The following EHD4 variants were observed in gnomAD, a reference collection of about 807,000 sequenced individuals.
The protein encoded by EHD4 is EH domain-containing protein 4.
Under a neutral mutation model 51.0 loss-of-function variants are expected in EHD4, and 37 were observed. The ratio of observed to expected loss-of-function variants is 0.73; its 90% CI spans 0.56 to 0.95. EHD4 has a LOEUF of 0.95. Ranked by LOEUF, EHD4 falls within the 40% of genes least tolerant of loss-of-function variation. The probability of loss-of-function intolerance (pLI) is 0.00; values close to 1 mark genes in which losing one functional copy is unlikely to be tolerated. For synonymous variants in EHD4, 297 were observed against 317.3 expected, an observed-to-expected ratio of 0.94 and a Z score of 0.68; for missense variants, 632 against 733.1, an observed-to-expected ratio of 0.86 and a Z score of 1.59.
intron 1 of EHD4, among the ~76,000 whole-genome samples, chr15:41,956,099 T>A (rs1403170763): frequency 6.6e-6 from 1 of 151,568 alleles, no homozygotes; most frequent in Non-Finnish European, 1.5e-5. Flanking sequence ...GGTGCGGGAG[T>A]GGGTTTGAAG....
chr15:41,919,716 C>G, intron 3 of EHD4, 94 bp from the exon 4 acceptor site: 1 of 1,254,468 alleles, frequency 8.0e-7, no homozygotes. Flanking sequence ...CAGCAGCTGC[C>G]AGGGAGAGAG....
chr15:41,963,024 G>A (rs1001665897), intron 1 of EHD4, among the ~76,000 whole-genome samples: 1 of 152,180 alleles, frequency 6.6e-6, no homozygotes, highest in African/African-American at 2.4e-5. Flanking sequence ...AACATGTGCT[G>A]TGTCCACTCA....
At chr15:41,971,560 T>G (rs926485292) in intron 1 of EHD4, among the ~76,000 whole-genome samples, 2 of 152,220 alleles carry the variant, frequency 1.3e-5, no homozygotes, top group African/African-American at 4.8e-5. Context: ...GACAAATATT[T>G]TCAGTTGTCA....
At position 41,918,044 on chromosome 15, in the gene EHD4, C is replaced by G. The variant is rs546282550; in HGVS notation, c.924+1166G>C. 3.3e-5 allele frequency among the ~76,000 whole-genome samples: 5 copies of G among 152,222 alleles called. No individual in the cohort carries two copies. The South Asian group carries it at 1.0e-3, about 32-fold the overall frequency. On this transcript the variant is annotated intron_variant, in intron 4 of 5. Transcript: ENST00000220325. Reference sequence around the variant, plus strand: ...AGGCTGCCCAGTGAGCACACTGGCACGAGGACAGGCTGCTAATGAGCAGCA... The same window carrying G: ...AGGCTGCCCAGTGAGCACACTGGCAGGAGGACAGGCTGCTAATGAGCAGCA...
chr15:41,915,367 C>T lies in EHD4; in HGVS notation c.924+3843G>A, dbSNP rs1177662925. Among the ~76,000 whole-genome samples the T allele has an allele frequency of 2.6e-5, 4 of 152,300 alleles. No individual in the cohort carries two copies. In the East Asian group the frequency reaches 5.8e-4, roughly 22 times the overall value. ...TGTTGGGATTACAGGTGTGAGCCAC[C>T]GTGCCCAGCCTATAGACAAGAAAGC... On this transcript the variant is annotated intron_variant, in intron 4 of 5. Coordinates refer to ENST00000220325, the MANE Select transcript of EHD4 (RefSeq NM_139265.4).
chr15:41,961,962 A>C (rs1008525395), intron 1 of EHD4, among the ~76,000 whole-genome samples: 1 of 152,230 alleles, frequency 6.6e-6, no homozygotes, highest in East Asian at 1.9e-4. Flanking sequence ...ATAAAACAAA[A>C]ATGTACAACT....
chr15:41,912,051 T>C (rs186473674), intron 4 of EHD4, among the ~76,000 whole-genome samples: 4 of 152,228 alleles, frequency 2.6e-5, no homozygotes, highest in Admixed American at 1.3e-4. Context: ...ACCCACTGAG[T>C]GTCACCTGAT....
rs757538412 is a variant in EHD4, at chr15:41,919,476, C to T, written c.658G>A (p.Val220Met). ...TCCACTTGGTCGGCCTTGTTCAGCACGACACGGATCTTGTCGTCCTGGCCC... is the reference window on the plus strand; with the variant it reads ...TCCACTTGGTCGGCCTTGTTCAGCATGACACGGATCTTGTCGTCCTGGCCC... ...FRGQDDKIRV[V>M]LNKADQVDTQ... Residue 220 changes from valine to methionine, a missense_variant, in exon 4 of 6, where the codon GTG becomes ATG. Physicochemically the swap from Val to Met is conservative, Grantham distance 21. Transcript: ENST00000220325. 19 of 1,560,912 alleles carry T rather than the reference C, an allele frequency of 1.2e-5. No homozygotes were observed. The highest frequency in any genetic ancestry group is 6.8e-5 in the African/African-American group (5 of 73,106).
intron 3 of EHD4, among the ~76,000 whole-genome samples, chr15:41,926,865 C>G (rs748783379): frequency 1.3e-5 from 2 of 152,224 alleles, no homozygotes; most frequent in Non-Finnish European, 2.9e-5. Context: ...ATGCCCTTTC[C>G]TCTTCTCCAA....
intron 4 of EHD4, among the ~76,000 whole-genome samples, chr15:41,915,266 C>T (rs575612091): frequency 3.5e-4 from 53 of 152,276 alleles, no homozygotes; most frequent in Non-Finnish European, 6.5e-4. Flanking sequence ...TTAGTAGAGA[C>T]GGGGTTTCAC....
chr15:41,914,948 GC>G (rs1461791765), intron 4 of EHD4, among the ~76,000 whole-genome samples: 4 of 151,962 alleles, frequency 2.6e-5, no homozygotes, highest in African/African-American at 9.7e-5. Flanking sequence ...TCCACGCCCA[GC>G]TAATTTTTGT....
chr15:41,912,658 G>A (rs2067558266), intron 4 of EHD4, among the ~76,000 whole-genome samples: 1 of 152,078 alleles, frequency 6.6e-6, no homozygotes, highest in Non-Finnish European at 1.5e-5. Context: ...TTGCCCCACT[G>A]CACTCCAGCC....
intron 3 of EHD4, among the ~76,000 whole-genome samples, chr15:41,927,270 T>C (rs1292062543): frequency 6.6e-6 from 1 of 152,262 alleles, no homozygotes; most frequent in African/African-American, 2.4e-5. Context: ...AAAATGGAAC[T>C]ATCATATCAT....
intron 2 of EHD4, among the ~76,000 whole-genome samples, chr15:41,952,998 C>CA (rs33930801): frequency 0.017 from 1,203 of 69,038 alleles, 20 homozygotes; most frequent in Non-Finnish European, 0.022. Context: ...TTCCCCCCCG[C>CA]AAAAAAAAAA....
chr15:41,904,192 C>T (rs1443715446), intron 5 of EHD4, among the ~76,000 whole-genome samples: 1 of 152,208 alleles, frequency 6.6e-6, no homozygotes, highest in Non-Finnish European at 1.5e-5. Context: ...GAGGGTGATG[C>T]CTGCCCAAAC....
intron 1 of EHD4, among the ~76,000 whole-genome samples, chr15:41,959,684 C>T (rs1161207540): frequency 6.6e-6 from 1 of 151,776 alleles, no homozygotes; most frequent in Non-Finnish European, 1.5e-5. Flanking sequence ...AGAGCAGTTT[C>T]TGGCCGGGCA....
Position 41,897,310 on chromosome 15 carries a change from G to A in EHD4, c.*3335C>T, listed in dbSNP as rs569749957. 5.3e-5 allele frequency: 8 copies of A among 152,358 alleles called. No homozygotes were observed. Among genetic ancestry groups the A allele is most frequent in the Admixed American group, 2.6e-4 (4 of 15,302 alleles). 9.4% of individuals were successfully genotyped at this position (152,358 alleles called of 1,614,324 possible). On this transcript the variant is annotated 3_prime_UTR_variant, in exon 6 of 6. Coordinates refer to ENST00000220325, the MANE Select transcript of EHD4 (RefSeq NM_139265.4). ...CCAGGCATCATGAAGGAGGGTGAGC[G>A]AGGGTGCGAGGTGGAAAGGTCCAGG...
chr15:41,963,139 AG>A (rs2067937069), intron 1 of EHD4, among the ~76,000 whole-genome samples: 1 of 152,196 alleles, frequency 6.6e-6, no homozygotes, highest in African/African-American at 2.4e-5. Context: ...TCAAGTACCC[AG>A]GGACACAAAC....
chr15:41,924,273 A>G (rs980540254), intron 3 of EHD4, among the ~76,000 whole-genome samples: 1 of 152,154 alleles, frequency 6.6e-6, no homozygotes, highest in South Asian at 2.1e-4. Context: ...TGTCTTCATC[A>G]TGGTCACACA....
Sources: allele counts gnomAD v4.1 joint callset (sites outside exome capture counted in the v4.1 genomes callset), GRCh38; gene constraint gnomAD v4.1.1; transcripts MANE v1.5; gene names NCBI Gene and HGNC (gene_info 2026-07-23, HGNC 2026-07-21).